Variants in LUC7L observed in about 807,000 individuals in gnomAD.
LUC7L encodes the protein putative RNA-binding protein Luc7-like 1.
LUC7L carries 29 observed loss-of-function variants against 51.1 expected under a neutral mutation model. The ratio of observed to expected loss-of-function variants is 0.57; its 90% confidence interval spans 0.42 to 0.77. The LOEUF is 0.77. Among genes scored for constraint, LUC7L ranks in the 30% least tolerant of loss-of-function variants. The pLI, the probability that LUC7L is intolerant of heterozygous loss-of-function variation, is 0.00. For missense variants in LUC7L, 403 were observed against 511.9 expected, an observed-to-expected ratio of 0.79 and a Z score of 2.05; for synonymous variants, 181 against 180.7, an observed-to-expected ratio of 1.00 and a Z score of -0.01.
At chr16:217,411 A>T (rs536343738) in intron 3 of LUC7L, among the ~76,000 whole-genome samples, 3 of 152,110 alleles carry the variant, frequency 2.0e-5, no homozygotes, top group African/African-American at 7.2e-5. Flanking sequence ...TAGCCACAAC[A>T]AATTTTTTAA....
chr16:198,278 CAAAAAAAAA>C (rs35125597), intron 6 of LUC7L, among the ~76,000 whole-genome samples: 2 of 49,258 alleles, frequency 4.1e-5, no homozygotes, highest in Non-Finnish European at 6.7e-5. Flanking sequence ...GACTCCATCT[CAAAAAAAAA>C]AAAAAAAAAA....
chr16:196,012 A>G (rs141524889), intron 6 of LUC7L, among the ~76,000 whole-genome samples: 205 of 152,354 alleles, frequency 1.3e-3, no homozygotes, highest in African/African-American at 4.6e-3. Flanking sequence ...TAACCAAGTT[A>G]ATGCTTCTTA....
At chr16:228,581 A>T (rs1237021169) in intron 1 of LUC7L, 5 of 1,191,050 alleles carry the variant, frequency 4.2e-6, no homozygotes, top group Non-Finnish European at 5.3e-6. Flanking sequence ...TTACAACTTC[A>T]TTACTCAGCA....
At chr16:189,613 C>T (rs1435359819) in intron 9 of LUC7L, 3 of 1,333,640 alleles carry the variant, frequency 2.2e-6, no homozygotes, top group East Asian at 2.7e-5. Flanking sequence ...CAGAACATGA[C>T]ACTACGTAAA....
At chr16:207,537 A>T (rs994489181) in intron 4 of LUC7L, among the ~76,000 whole-genome samples, 3 of 152,194 alleles carry the variant, frequency 2.0e-5, no homozygotes, top group Non-Finnish European at 2.9e-5. Context: ...TATTAAAATT[A>T]AAAAATAATG....
intron 2 of LUC7L, among the ~76,000 whole-genome samples, chr16:222,405 A>C (rs1044958788): frequency 1.8e-4 from 28 of 151,992 alleles, no homozygotes; most frequent in African/African-American, 6.5e-4. Context: ...TGGGAGGGCA[A>C]GATGGGAGGA....
chr16:204,577 G>C (rs184104658), intron 5 of LUC7L, among the ~76,000 whole-genome samples: 11 of 150,064 alleles, frequency 7.3e-5, no homozygotes, highest in Admixed American at 6.6e-4. Flanking sequence ...CTGGGGGACA[G>C]AGCGAGACTC....
intron 6 of LUC7L, among the ~76,000 whole-genome samples, chr16:194,091 C>A (rs2049087925): frequency 6.6e-6 from 1 of 151,984 alleles, no homozygotes; most frequent in South Asian, 2.1e-4. Context: ...GCATGAGCCA[C>A]CGCGCTTGGC....
Position 206,103 on chromosome 16 carries a change from AAGG to A in LUC7L, c.408_410del (p.Leu137del). 1.2e-6 allele frequency: 2 copies of A among 1,613,964 alleles called. No homozygotes were observed. Among genetic ancestry groups the A allele is most frequent in the Non-Finnish European group, 1.7e-6 (2 of 1,179,966 alleles). On this transcript the variant is annotated inframe_deletion, in exon 5 of 10. Transcript: ENST00000293872. ...CAGCCCCTAGCTGTTCGGCTTTAGCAAGGAGTTTTCCTATTTCTTCATTTAACT... is the reference window on the plus strand; with the variant it reads ...CAGCCCCTAGCTGTTCGGCTTTAGCAAGTTTTCCTATTTCTTCATTTAACT...
chr16:221,895 G>A (rs1188401604), intron 2 of LUC7L, among the ~76,000 whole-genome samples: 2 of 152,152 alleles, frequency 1.3e-5, no homozygotes, highest in African/African-American at 4.8e-5. Context: ...TTGTGTAGCT[G>A]ATTGTGTATC....
rs547084800 is a variant in LUC7L, at chr16:220,754, G to A, written c.157-7C>T. ...ATTCTCCTAAATCCATGCGCTGTGG[G>A]AAAGAAACAGAAAATGCAGACCTCA... On this transcript the variant is annotated splice_polypyrimidine_tract_variant and splice_region_variant and intron_variant, in intron 2 of 9. Transcript: ENST00000293872. 1.2e-6 allele frequency: 2 copies of A among 1,604,080 alleles called. 1 individual carries two copies. Among genetic ancestry groups the A allele is most frequent in the Non-Finnish European group, 1.7e-6 (2 of 1,171,638 alleles).
intron 9 of LUC7L, chr16:189,643 T>C: frequency 7.6e-7 from 1 of 1,311,626 alleles, no homozygotes; most frequent in South Asian, 2.5e-5. Flanking sequence ...GAAAAAAAAA[T>C]ATCAAAAACA....
At position 212,154 on chromosome 16, in the gene LUC7L, G is replaced by A. The variant is rs182992664; in HGVS notation, c.256-3966C>T. ...ACTAAAAATACAAAATTACCCAGGC[G>A]TGGTGGTGCATGCCTGTAATCCCAA... On this transcript the variant is annotated intron_variant, in intron 3 of 9. Transcript: ENST00000293872. Among the ~76,000 whole-genome samples the A allele has an allele frequency of 3.0e-4, 45 of 152,298 alleles. 3 individuals are homozygous for A. The East Asian group carries it at 7.1e-3, about 24-fold the overall frequency.
chr16:194,543 G>A (rs1164646748), intron 6 of LUC7L, among the ~76,000 whole-genome samples: 1 of 152,142 alleles, frequency 6.6e-6, no homozygotes, highest in Non-Finnish European at 1.5e-5. Context: ...AAAAAAGGAC[G>A]GATGTATCTC....
At position 206,133 on chromosome 16, in the gene LUC7L, A is replaced by G. The variant is rs751655889; in HGVS notation, c.381T>C (p.His127=). ...AEVSAKAEKV[H]ELNEEIGKLL... ...GTTTTCCTATTTCTTCATTTAACTC[A>G]TGTACTTTTTCTGCCTGTGAGGAGA... The change falls in exon 5 of 10, where the codon CAT becomes CAC. Residue 127 remains histidine (H), a synonymous_variant. Coordinates refer to ENST00000293872, the MANE Select transcript of LUC7L (RefSeq NM_201412.3). The G allele has an allele frequency of 5.6e-6, 9 of 1,612,848 alleles. No individual in the cohort carries two copies. In the African/African-American group the frequency reaches 9.4e-5, roughly 17 times the overall value.
chr16:221,873 T>C (rs893286054), intron 2 of LUC7L, among the ~76,000 whole-genome samples: 3 of 152,178 alleles, frequency 2.0e-5, no homozygotes, highest in Admixed American at 2.0e-4. Context: ...CATCACAACC[T>C]AACACTTGGC....
At chr16:227,776 T>G in intron 1 of LUC7L, 1 of 1,000,552 alleles carries the variant, frequency 1.0e-6, no homozygotes, top group Non-Finnish European at 1.2e-6. Context: ...AGAGGCAGTA[T>G]TTTGCCCAAA....
Position 208,369 on chromosome 16 carries a change from C to G in LUC7L, c.256-181G>C, listed in dbSNP as rs997085228. ...CATAATTGCATTAAATCAAGGGGATCTGTTAAACAGAATGATTGTTTGGAA... is the reference window on the plus strand; with the variant it reads ...CATAATTGCATTAAATCAAGGGGATGTGTTAAACAGAATGATTGTTTGGAA... On this transcript the variant is annotated intron_variant, in intron 3 of 9. Transcript: ENST00000293872. The G allele has an allele frequency of 1.1e-5, 6 of 531,054 alleles. No individual in the cohort carries two copies. In the East Asian group the frequency reaches 2.2e-4, roughly 20 times the overall value. 32.9% of individuals were successfully genotyped at this position (531,054 alleles called of 1,614,324 possible).
intron 2 of LUC7L, among the ~76,000 whole-genome samples, chr16:222,602 G>A (rs1289228547): frequency 6.6e-6 from 1 of 151,876 alleles, no homozygotes; most frequent in East Asian, 1.9e-4. Flanking sequence ...CTGAGCCACT[G>A]CACTCCAGTC....
Sources: allele counts gnomAD v4.1 joint callset (sites outside exome capture counted in the v4.1 genomes callset), GRCh38; gene constraint gnomAD v4.1.1; transcripts MANE v1.5; gene names NCBI Gene and HGNC (gene_info 2026-07-23, HGNC 2026-07-21).